Variants in WDFY4 observed in about 807,000 individuals in gnomAD.
WDFY4 encodes WD repeat- and FYVE domain-containing protein 4.
Under a neutral mutation model 351.9 loss-of-function variants are expected in WDFY4, and 169 were observed. That is an observed-to-expected ratio of 0.48 (90% CI 0.42 to 0.55). The LOEUF is 0.55. WDFY4 is among the 20% of genes least tolerant of loss of function. The pLI is 0.00. For missense variants in WDFY4, 3,803 were observed against 3,935.6 expected (o/e 0.97, Z 0.90); for synonymous variants, 1,622 against 1,574.6 (o/e 1.03, Z -0.71).
At chr10:48,790,601 C>G in intron 22 of WDFY4, 126 bp from the exon 23 acceptor site, 2 of 1,090,672 alleles carry the variant, frequency 1.8e-6, no homozygotes, top group Non-Finnish European at 1.3e-6. Context: ...CCCAGGTGCA[C>G]AGGTCCCTCT....
intron 59 of WDFY4, among the ~76,000 whole-genome samples, 179 bp from the exon 60 acceptor site, chr10:48,978,130 G>A (rs959489295): frequency 6.6e-6 from 1 of 152,212 alleles, no homozygotes; most frequent in Non-Finnish European, 1.5e-5. Context: ...CTCTGCATGA[G>A]GAAGCTGAAG....
intron 13 of WDFY4, among the ~76,000 whole-genome samples, chr10:48,763,700 G>A (rs895788327): frequency 2.6e-5 from 4 of 152,310 alleles, no homozygotes; most frequent in East Asian, 1.9e-4. Flanking sequence ...CATTTGGAGC[G>A]AGTTACTTTT....
intron 1 of WDFY4, among the ~76,000 whole-genome samples, chr10:48,688,945 G>C (rs1255756098): frequency 6.6e-6 from 1 of 152,214 alleles, no homozygotes; most frequent in Non-Finnish European, 1.5e-5. Context: ...GATTTGGAAG[G>C]TGGAAGTAGA....
intron 12 of WDFY4, chr10:48,746,004 A>C (rs770423696): frequency 5.8e-6 from 1 of 173,382 alleles, no homozygotes; most frequent in African/African-American, 2.4e-5. Flanking sequence ...AGAAATTGTC[A>C]GAAACGTTGA....
chr10:48,788,059 A>C (rs2066553198), intron 20 of WDFY4, among the ~76,000 whole-genome samples: 2 of 142,350 alleles, frequency 1.4e-5, no homozygotes, highest in African/African-American at 2.7e-5. Context: ...ACAGAGTCTC[A>C]CTCTGTCACC....
intron 51 of WDFY4, 146 bp from the exon 52 acceptor site, chr10:48,956,983 C>T (rs1589990466): frequency 5.4e-6 from 6 of 1,102,378 alleles, no homozygotes; most frequent in Non-Finnish European, 7.6e-6. Context: ...GCACACACAT[C>T]TGGGCTGATG....
intron 53 of WDFY4, among the ~76,000 whole-genome samples, chr10:48,961,646 C>G (rs985661468): frequency 1.4e-4 from 21 of 151,952 alleles, no homozygotes; most frequent in Admixed American, 1.2e-3. Flanking sequence ...CTTAAGGAAC[C>G]GAGAGGCCAG....
chr10:48,751,822 C>T (rs1021229686), intron 12 of WDFY4, among the ~76,000 whole-genome samples: 6 of 152,120 alleles, frequency 3.9e-5, no homozygotes, highest in African/African-American at 1.4e-4. Flanking sequence ...GAGTAGTCAT[C>T]CTCTCTGTCA....
intron 13 of WDFY4, among the ~76,000 whole-genome samples, chr10:48,770,539 T>C (rs993621322): frequency 2.0e-5 from 3 of 152,190 alleles, no homozygotes; most frequent in African/African-American, 7.2e-5. Flanking sequence ...AATCCAAGTT[T>C]TGGGAGATGA....
At chr10:48,772,817 A>G (rs569836404) in intron 13 of WDFY4, among the ~76,000 whole-genome samples, 51 of 150,090 alleles carry the variant, frequency 3.4e-4, no homozygotes, top group Non-Finnish European at 6.3e-4. Context: ...TGTTCTTGCG[A>G]TAGTTTACTG....
intron 2 of WDFY4, among the ~76,000 whole-genome samples, chr10:48,710,433 G>A (rs959578638): frequency 2.6e-5 from 4 of 152,214 alleles, no homozygotes; most frequent in Non-Finnish European, 5.9e-5. Context: ...CCTAGCGAGA[G>A]TGTCATGCCA....
chr10:48,931,788 C>A (rs907060485), intron 47 of WDFY4, among the ~76,000 whole-genome samples: 2 of 152,250 alleles, frequency 1.3e-5, no homozygotes, highest in African/African-American at 4.8e-5. Context: ...TATCTGAAAT[C>A]ATGACTGAAG....
At chr10:48,804,917 A>G (rs937323919) in intron 25 of WDFY4, among the ~76,000 whole-genome samples, 11 of 152,140 alleles carry the variant, frequency 7.2e-5, no homozygotes, top group African/African-American at 2.7e-4. Flanking sequence ...GCTGGTGGGA[A>G]GTACTCCCCA....
intron 13 of WDFY4, among the ~76,000 whole-genome samples, chr10:48,768,877 C>T (rs576306994): frequency 6.6e-6 from 1 of 152,076 alleles, no homozygotes; most frequent in Non-Finnish European, 1.5e-5. Flanking sequence ...AGCAGGAGCT[C>T]AGCAAAGGGA....
intron 2 of WDFY4, among the ~76,000 whole-genome samples, chr10:48,719,409 G>T (rs1185874988): frequency 1.3e-5 from 2 of 152,160 alleles, no homozygotes; most frequent in African/African-American, 2.4e-5. Flanking sequence ...TGTTGCCGAG[G>T]GTGTAGAGAA....
intron 1 of WDFY4, among the ~76,000 whole-genome samples, chr10:48,697,128 C>T (rs2063351173): frequency 6.6e-6 from 1 of 152,210 alleles, no homozygotes; most frequent in Non-Finnish European, 1.5e-5. Context: ...AACAGGCCCA[C>T]TCCTAGATAC....
intron 8 of WDFY4, 100 bp downstream of exon 8, chr10:48,729,689 T>G: frequency 7.1e-7 from 1 of 1,409,760 alleles, no homozygotes; most frequent in Non-Finnish European, 9.5e-7. Context: ...CTTTCAATGG[T>G]GCAGTAGGCT....
intron 24 of WDFY4, among the ~76,000 whole-genome samples, chr10:48,799,712 G>T (rs2066994481): frequency 6.6e-6 from 1 of 152,092 alleles, no homozygotes; most frequent in Non-Finnish European, 1.5e-5. Flanking sequence ...GGGGGAGGTT[G>T]CAGTGAGCCG....
chr10:48,846,515 G>T (rs1021957492), intron 39 of WDFY4, among the ~76,000 whole-genome samples: 2 of 152,242 alleles, frequency 1.3e-5, no homozygotes, highest in African/African-American at 4.8e-5. Flanking sequence ...AACTAGAGCA[G>T]GTGCTGTGAA....
Sources: allele counts gnomAD v4.1 joint callset (sites outside exome capture counted in the v4.1 genomes callset), GRCh38; gene constraint gnomAD v4.1.1; transcripts MANE v1.5; gene names NCBI Gene and HGNC (gene_info 2026-07-23, HGNC 2026-07-21).